Variants in AUTS2 observed in about 807,000 individuals in gnomAD.
AUTS2 encodes activator of transcription and developmental regulator AUTS2.
AUTS2 carries 17 observed loss-of-function variants against 112.4 expected under a neutral mutation model. The observed-to-expected ratio is 0.15, with a 90% CI of 0.10 to 0.23. The LOEUF (loss-of-function observed/expected upper bound fraction) is 0.23. Among genes scored for constraint, AUTS2 ranks in the 10% least tolerant of loss-of-function variants. The pLI is 1.00. For synonymous variants in AUTS2, 751 were observed against 702.7 expected, an observed-to-expected ratio of 1.07 and a Z score of -1.09; for missense variants, 1,510 against 1,701.6, an observed-to-expected ratio of 0.89 and a Z score of 1.98.
intron 6 of AUTS2, among the ~76,000 whole-genome samples, chr7:70,762,247 T>G (rs1026974581): frequency 4.6e-5 from 7 of 152,210 alleles, no homozygotes; most frequent in African/African-American, 1.7e-4. Context: ...TGTGATGCCA[T>G]AAAAGACTTT....
intron 1 of AUTS2, among the ~76,000 whole-genome samples, chr7:69,728,680 CTTTTTTT>C (rs5884765): frequency 7.8e-6 from 1 of 128,730 alleles, no homozygotes; most frequent in Non-Finnish European, 1.6e-5. Context: ...TTGCTTGTGG[CTTTTTTT>C]TTTTTTTTTT....
At chr7:70,233,772 AC>A (rs1460393500) in intron 4 of AUTS2, among the ~76,000 whole-genome samples, 1 of 152,218 alleles carries the variant, frequency 6.6e-6, no homozygotes, top group Non-Finnish European at 1.5e-5. Flanking sequence ...CATAAGAATC[AC>A]CAAAGCGGAA....
intron 3 of AUTS2, among the ~76,000 whole-genome samples, chr7:70,128,597 G>A (rs983342434): frequency 1.3e-5 from 2 of 152,314 alleles, no homozygotes; most frequent in Non-Finnish European, 2.9e-5. Context: ...TGTTGTGTTC[G>A]AGGGAAAGAA....
intron 2 of AUTS2, among the ~76,000 whole-genome samples, chr7:70,030,406 T>G (rs1257990267): frequency 6.6e-6 from 1 of 152,210 alleles, no homozygotes; most frequent in Non-Finnish European, 1.5e-5. Context: ...ATCACATGAA[T>G]AGACCCGTGG....
chr7:70,490,092 TA>T (rs200876375), intron 5 of AUTS2, among the ~76,000 whole-genome samples: 1,783 of 151,726 alleles, frequency 0.012, 25 homozygotes, highest in African/African-American at 0.041. Context: ...AGGTCTAAAA[TA>T]AATCAAAATT....
chr7:70,066,236 G>C (rs1488015978), intron 2 of AUTS2, among the ~76,000 whole-genome samples: 2 of 152,112 alleles, frequency 1.3e-5, no homozygotes, highest in Non-Finnish European at 2.9e-5. Context: ...AGTACAGTTT[G>C]AACTTACTTT....
Position 70,786,029 on chromosome 7 carries a change from C to T in AUTS2, c.2299C>T (p.Pro767Ser), listed in dbSNP as rs1791445199. The T allele has an allele frequency of 3.1e-6, 5 of 1,613,866 alleles. No individual in the cohort carries two copies. The highest frequency in any genetic ancestry group is 4.2e-6 in the Non-Finnish European group (5 of 1,179,866). The change falls in exon 17 of 19, where the codon CCT becomes TCT. Residue 767 changes from proline (P) to serine (S), a missense_variant. Physicochemically the swap from Pro to Ser is moderately conservative, Grantham distance 74. Coordinates refer to ENST00000342771, the MANE Select transcript of AUTS2 (RefSeq NM_015570.4). ...GGNAFGGLGN[P>S]SVTPNSMFGH... is the part of the protein sequence containing the mutation. ...CAATGCCTTCGGGGGACTTGGAAAT[C>T]CTTCCGTTAGTGAGTACCTCTAACT...
chr7:70,667,086 G>A (rs1456921815), intron 5 of AUTS2, among the ~76,000 whole-genome samples: 2 of 151,814 alleles, frequency 1.3e-5, no homozygotes, highest in Admixed American at 6.6e-5. Context: ...AGTGTTGTTC[G>A]GCAAGCATTA....
At chr7:69,996,250 A>G (rs1291786460) in intron 2 of AUTS2, among the ~76,000 whole-genome samples, 3 of 152,276 alleles carry the variant, frequency 2.0e-5, no homozygotes, top group East Asian at 3.9e-4. Flanking sequence ...GGGGCCTGCT[A>G]TGGCAAGGTA....
chr7:70,677,337 C>G (rs765728949), intron 5 of AUTS2, among the ~76,000 whole-genome samples: 2 of 152,198 alleles, frequency 1.3e-5, no homozygotes, highest in African/African-American at 4.8e-5. Flanking sequence ...AAATTTCTGA[C>G]CGTGGCTAGG....
intron 1 of AUTS2, among the ~76,000 whole-genome samples, chr7:69,808,038 C>G (rs1022794532): frequency 2.0e-5 from 3 of 150,742 alleles, no homozygotes; most frequent in Non-Finnish European, 4.4e-5. Context: ...TCTCCTACCT[C>G]AGCCTCCGGA....
intron 1 of AUTS2, among the ~76,000 whole-genome samples, chr7:69,869,585 T>C (rs1793390975): frequency 1.3e-5 from 2 of 152,048 alleles, no homozygotes; most frequent in South Asian, 2.1e-4. Context: ...TTGAAAAATA[T>C]TGGATAAGCA....
At chr7:70,483,920 T>C (rs1490455708) in intron 5 of AUTS2, among the ~76,000 whole-genome samples, 1 of 152,230 alleles carries the variant, frequency 6.6e-6, no homozygotes. Flanking sequence ...ATGTATATGA[T>C]AATGTATCCT....
At chr7:70,216,850 G>A (rs1373334105) in intron 4 of AUTS2, among the ~76,000 whole-genome samples, 1 of 152,096 alleles carries the variant, frequency 6.6e-6, no homozygotes, top group Non-Finnish European at 1.5e-5. Context: ...CTCATTGTCT[G>A]CTTCTGGGAG....
intron 5 of AUTS2, among the ~76,000 whole-genome samples, chr7:70,560,505 CAG>C (rs1377288227): frequency 6.6e-6 from 1 of 152,190 alleles, no homozygotes; most frequent in African/African-American, 2.4e-5. Flanking sequence ...TTTAAAACAA[CAG>C]GGTTATTTTT....
intron 2 of AUTS2, among the ~76,000 whole-genome samples, chr7:70,025,169 T>A (rs544668281): frequency 1.4e-4 from 21 of 152,332 alleles, no homozygotes; most frequent in Admixed American, 1.4e-3. Flanking sequence ...AGTCTTGTAT[T>A]TGATGCTTTG....
chr7:69,722,151 C>CAA (rs751608208), intron 1 of AUTS2, among the ~76,000 whole-genome samples: 303 of 91,194 alleles, frequency 3.3e-3, no homozygotes, highest in African/African-American at 0.011. Context: ...CAATGAAGGG[C>CAA]AAAAAAAAAA....
chr7:70,397,024 A>G (rs962134491), intron 4 of AUTS2, among the ~76,000 whole-genome samples: 4 of 151,316 alleles, frequency 2.6e-5, no homozygotes, highest in Admixed American at 6.6e-5. Context: ...TCACATCTTC[A>G]CCAACACTTT....
At chr7:69,841,024 G>T (rs1034356514) in intron 1 of AUTS2, among the ~76,000 whole-genome samples, 1 of 152,106 alleles carries the variant, frequency 6.6e-6, no homozygotes, top group Non-Finnish European at 1.5e-5. Context: ...TAACAATGGC[G>T]GTCACCACCT....
Sources: allele counts gnomAD v4.1 joint callset (sites outside exome capture counted in the v4.1 genomes callset), GRCh38; gene constraint gnomAD v4.1.1; transcripts MANE v1.5; gene names NCBI Gene and HGNC (gene_info 2026-07-23, HGNC 2026-07-21).